DBF4B: variants seen among roughly 807,000 people sequenced by gnomAD.
DBF4B encodes the protein DBF4B-CDC7 kinase regulatory subunit.
Under a neutral mutation model 53.4 loss-of-function variants are expected in DBF4B, and 49 were observed. The observed-to-expected ratio is 0.92, with a 90% CI of 0.73 to 1.16. The LOEUF is 1.16. Among genes scored for constraint, DBF4B ranks in the 50% most tolerant of loss-of-function variants. The pLI, the probability that DBF4B is intolerant of heterozygous loss-of-function variation, is 0.00. For synonymous variants in DBF4B, 257 were observed against 288.7 expected, an observed-to-expected ratio of 0.89 and a Z score of 1.11; for missense variants, 692 against 775.0, an observed-to-expected ratio of 0.89 and a Z score of 1.27.
At chr17:44,726,530 A>G (rs1419159732) in intron 3 of DBF4B, among the ~76,000 whole-genome samples, 1 of 151,642 alleles carries the variant, frequency 6.6e-6, no homozygotes, top group Non-Finnish European at 1.5e-5. Flanking sequence ...CCAAAATGTT[A>G]GGATTACAGG....
At chr17:44,748,881 C>T (rs1010935408) in intron 13 of DBF4B, 1 of 1,290,544 alleles carries the variant, frequency 7.7e-7, no homozygotes, top group Non-Finnish European at 1.0e-6. Context: ...CCCTCCAGCC[C>T]TTGTGCCACT....
intron 3 of DBF4B, among the ~76,000 whole-genome samples, chr17:44,724,438 C>T (rs1186175791): frequency 5.3e-5 from 8 of 152,054 alleles, no homozygotes; most frequent in South Asian, 2.1e-4. Flanking sequence ...AGTGCAGCGG[C>T]GCCATCTCAG....
chr17:44,729,996 G>T lies in DBF4B; in HGVS notation c.317G>T (p.Gly106Val), dbSNP rs754609391. Reference protein sequence around the residue: ...KAESSGKSHRGCPSPSPSEVR... With the variant: ...KAESSGKSHRVCPSPSPSEVR... ...GAGAGCAGTGGGAAAAGCCATAGAG[G>T]CTGCCCTAGCCCTAGCCCCAGTGAG... The change falls in exon 4 of 14, where the codon GGC becomes GTC. Residue 106 changes from glycine to valine, a missense_variant. Coordinates refer to ENST00000315005, the MANE Select transcript of DBF4B (RefSeq NM_145663.3). 1.1e-5 allele frequency: 17 copies of T among 1,613,886 alleles called. No homozygotes were observed. The Admixed American group carries it at 2.8e-4, about 27-fold the overall frequency.
chr17:44,744,213 A>T (rs1976384362), intron 10 of DBF4B, among the ~76,000 whole-genome samples: 1 of 151,700 alleles, frequency 6.6e-6, no homozygotes, highest in Admixed American at 6.6e-5. Flanking sequence ...CGAGTTTGAG[A>T]CCAGCCTGAG....
chr17:44,736,631 C>T (rs1975465058), intron 7 of DBF4B, among the ~76,000 whole-genome samples, 199 bp from the exon 8 acceptor site: 1 of 152,142 alleles, frequency 6.6e-6, no homozygotes, highest in Non-Finnish European at 1.5e-5. Flanking sequence ...CGAGTGCCCC[C>T]CTTATTCATC....
At chr17:44,743,093 T>C (rs542700571) in intron 10 of DBF4B, among the ~76,000 whole-genome samples, 2 of 152,272 alleles carry the variant, frequency 1.3e-5, no homozygotes, top group Non-Finnish European at 2.9e-5. Flanking sequence ...TAAGTCCCAA[T>C]ACAAGGGATA....
At position 44,709,308 on chromosome 17, in the gene DBF4B, C is replaced by T. The variant is rs754887521; in HGVS notation, c.24C>T (p.Asp8=). The part of the protein sequence containing the change: MSEPGKG[D]DCLELESSMA... The stretch of plus-strand genomic sequence containing the variant: ...TGCTGTTATGTCCTTTCTCAGGAGA[C>T]GATTGCCTCGAGCTGGAGAGTTCCA... Residue 8 remains aspartate (D), a synonymous_variant, in exon 2 of 14, where the codon GAC becomes GAT. Coordinates refer to ENST00000315005, the MANE Select transcript of DBF4B (RefSeq NM_145663.3). 6.2e-7 allele frequency: 1 copy of T among 1,613,968 alleles called. No homozygotes were observed. The highest frequency in any genetic ancestry group is 1.7e-5 in the Admixed American group (1 of 59,994).
At chr17:44,717,928 CAG>C (rs969061868) in intron 2 of DBF4B, among the ~76,000 whole-genome samples, 1 of 150,986 alleles carries the variant, frequency 6.6e-6, no homozygotes, top group South Asian at 2.1e-4. Context: ...TCAGGAGGCT[CAG>C]GGGGAGGATC....
At chr17:44,732,751 A>G in intron 6 of DBF4B, 1 of 154,032 alleles carries the variant, frequency 6.5e-6, no homozygotes, top group Non-Finnish European at 1.4e-5. Flanking sequence ...CTGTAATCCC[A>G]GCTACTCAGG....
chr17:44,750,718 C>T lies in DBF4B; in HGVS notation c.1313C>T (p.Ser438Phe), dbSNP rs370767340. The change falls in exon 14 of 14, where the codon TCC (serine) becomes TTC (phenylalanine). Residue 438 changes from serine to phenylalanine, a missense_variant. Physicochemically the swap from Ser to Phe is radical, Grantham distance 155 (BLOSUM62 -2). Transcript: ENST00000315005. ...TTLLPALPKG[S>F]REQGCLCPCP... ...CTCCTGCCGGCCTTGCCCAAGGGCT[C>T]CAGGGAGCAGGGCTGCCTCTGTCCC... The T allele has an allele frequency of 1.1e-4, 170 of 1,614,122 alleles. No individual in the cohort carries two copies. Among genetic ancestry groups the T allele is most frequent in the Non-Finnish European group, 1.4e-4 (164 of 1,180,042 alleles).
intron 9 of DBF4B, 21 bp from the exon 10 acceptor site, chr17:44,741,315 T>C: frequency 6.4e-7 from 1 of 1,557,076 alleles, no homozygotes; most frequent in South Asian, 1.1e-5. Context: ...GTAGTCAAAG[T>C]GGAAGTTTTC....
At chr17:44,750,401 T>C (rs2049251319) in intron 13 of DBF4B, 194 bp from the exon 14 acceptor site, 1 of 985,302 alleles carries the variant, frequency 1.0e-6, no homozygotes, top group Non-Finnish European at 1.2e-6. Context: ...GGCCCAGCTA[T>C]GGGTGAGGAC....
At chr17:44,735,409 A>G (rs75840576) in intron 7 of DBF4B, among the ~76,000 whole-genome samples, 21,770 of 152,224 alleles carry the variant, frequency 0.14, 1,616 homozygotes, top group South Asian at 0.27. Context: ...ACAGTGGCTC[A>G]CGCCTGTAAT....
chr17:44,749,076 T>G lies in DBF4B; in HGVS notation c.1189+611T>G. 7.8e-7 allele frequency: 1 copy of G among 1,289,690 alleles called. No homozygotes were observed. The highest frequency in any genetic ancestry group is 1.0e-6 in the Non-Finnish European group (1 of 988,820). 79.9% of individuals were successfully genotyped at this position (1,289,690 alleles called of 1,614,324 possible). A position where few individuals can be genotyped will look rare whatever the true frequency, so the allele number is the denominator to read the frequency against. The stretch of plus-strand genomic sequence containing the variant: ...GCCAGCTCCTCAGCTGCCCCACAGC[T>G]CCAGGCTGGCCATCAGCTCCCCTGT... On this transcript the variant is annotated intron_variant, in intron 13 of 13. Coordinates refer to ENST00000315005, the MANE Select transcript of DBF4B (RefSeq NM_145663.3). The surrounding 1 kb of genome is among the most constrained non-coding windows in gnomAD (Gnocchi z 4.4).
At chr17:44,732,093 T>A in intron 5 of DBF4B, 85 bp from the exon 6 acceptor site, 1 of 1,402,926 alleles carries the variant, frequency 7.1e-7, no homozygotes, top group South Asian at 1.3e-5. Context: ...GACTCAGGCC[T>A]CCCAGAAGCA....
chr17:44,734,981 G>A (rs111897804), intron 7 of DBF4B, among the ~76,000 whole-genome samples: 4 of 152,302 alleles, frequency 2.6e-5, no homozygotes, highest in African/African-American at 9.6e-5. Flanking sequence ...GCACATGCCT[G>A]TAATCCCAGC....
Position 44,749,737 on chromosome 17 carries a change from T to C in DBF4B, c.1190-858T>C. 1.8e-6 allele frequency: 2 copies of C among 1,127,054 alleles called. No homozygotes were observed. Among genetic ancestry groups the C allele is most frequent in the South Asian group, 2.1e-5 (1 of 46,534 alleles). 69.8% of individuals were successfully genotyped at this position (1,127,054 alleles called of 1,614,324 possible). On this transcript the variant is annotated intron_variant, in intron 13 of 13. Transcript: ENST00000315005. This position sits in a 1 kb window ranked among gnomAD's most constrained non-coding sequence, Gnocchi z 4.4. Reference sequence around the variant, plus strand: ...AAAGGAGCTGGGGCAGCAGGAGTCCTGGCCCGGCTTCCTGGCCCTCCACAG... The same window carrying C: ...AAAGGAGCTGGGGCAGCAGGAGTCCCGGCCCGGCTTCCTGGCCCTCCACAG...
rs974003401 is a variant in DBF4B at position 44,738,504 on chromosome 17, C to A, written c.713+80C>A. The A allele has an allele frequency of 6.3e-5, 91 of 1,446,050 alleles. No homozygotes were observed. In the African/African-American group the frequency reaches 1.3e-3, roughly 20 times the overall value. 89.6% of individuals were successfully genotyped at this position (1,446,050 alleles called of 1,614,324 possible). ...AGGAGGGAGGGGTGCTCAGGGGCCT[C>A]AAGCTAATGTGAAGACATGGAGCCC... On this transcript the variant is annotated intron_variant, in intron 9 of 13. Coordinates refer to ENST00000315005, the MANE Select transcript of DBF4B (RefSeq NM_145663.3).
At position 44,749,033 on chromosome 17, in the gene DBF4B, C is replaced by A. The variant is rs1472212857; in HGVS notation, c.1189+568C>A. 1.6e-6 allele frequency: 2 copies of A among 1,289,736 alleles called. No homozygotes were observed. The highest frequency in any genetic ancestry group is 1.5e-5 in the African/African-American group (1 of 65,870). The allele number at this position is 1,289,736 out of a possible 1,614,324, so 79.9% of individuals were successfully genotyped here. On this transcript the variant is annotated intron_variant, in intron 13 of 13. Coordinates refer to ENST00000315005, the MANE Select transcript of DBF4B (RefSeq NM_145663.3). This position sits in a 1 kb window ranked among gnomAD's most constrained non-coding sequence, Gnocchi z 4.4. ...GATTCTGAGTGTACAGCCACTGGCCCTGTATCCCAGGAGGCTGGCCAGCTC... is the reference window on the plus strand; with the variant it reads ...GATTCTGAGTGTACAGCCACTGGCCATGTATCCCAGGAGGCTGGCCAGCTC...
Sources: allele counts gnomAD v4.1 joint callset (sites outside exome capture counted in the v4.1 genomes callset), GRCh38; gene constraint gnomAD v4.1.1; non-coding constraint Gnocchi (gnomAD v3.1); transcripts MANE v1.5; gene names NCBI Gene and HGNC (gene_info 2026-07-23, HGNC 2026-07-21).